The following NEB variants were observed in gnomAD, a reference collection of about 807,000 sequenced individuals.
NEB encodes nemaline myopathy type 2.
Under a neutral mutation model 952.2 loss-of-function variants are expected in NEB, and 512 were observed. The ratio of observed to expected loss-of-function variants is 0.54; its 90% confidence interval spans 0.50 to 0.58. The LOEUF (loss-of-function observed/expected upper bound fraction) is 0.58. NEB is among the 20% of genes least tolerant of loss of function. The pLI, the probability that NEB is intolerant of heterozygous loss-of-function variation, is 0.00. For missense variants in NEB, 8,428 were observed against 9,231.1 expected (o/e 0.91, Z 3.56); for synonymous variants, 2,900 against 3,149.8 (o/e 0.92, Z 2.66).
intron 54 of NEB, among the ~76,000 whole-genome samples, chr2:151,648,201 AT>A (rs1375354547): frequency 7.2e-5 from 11 of 152,324 alleles, no homozygotes; most frequent in Admixed American, 2.6e-4. Context: ...AATTATTTCA[AT>A]AAAAAATTTT....
At chr2:151,577,598 T>C (rs549163678) in intron 105 of NEB, among the ~76,000 whole-genome samples, 8 of 152,228 alleles carry the variant, frequency 5.3e-5, no homozygotes, top group Admixed American at 1.3e-4. Flanking sequence ...TGTTTGCCTT[T>C]GAGACGGAGT....
At chr2:151,529,081 T>G in intron 146 of NEB, 129 bp downstream of exon 146, 1 of 702,640 alleles carries the variant, frequency 1.4e-6, no homozygotes, top group East Asian at 2.6e-5. Flanking sequence ...TTCATGCTCC[T>G]GGGGCCTGAC....
At chr2:151,553,691 G>T in intron 126 of NEB, 137 bp downstream of exon 126, 1 of 984,294 alleles carries the variant, frequency 1.0e-6, no homozygotes, top group Non-Finnish European at 1.5e-6. Context: ...CAGCTCTGAA[G>T]TCAAGTTGGA....
intron 173 of NEB, 121 bp from the exon 174 acceptor site, chr2:151,494,374 G>A (rs2058695189): frequency 1.5e-6 from 1 of 687,384 alleles, no homozygotes; most frequent in East Asian, 2.7e-5. Context: ...GGGCAATTAG[G>A]TTAGATGGAA....
At chr2:151,610,698 T>C (rs1209590280) in intron 79 of NEB, 64 bp downstream of exon 79, 1 of 1,578,752 alleles carries the variant, frequency 6.3e-7, no homozygotes, top group East Asian at 2.2e-5. Context: ...GAAAGGAAAT[T>C]GTTACGGTGG....
chr2:151,696,305 A>C (rs1273237811), intron 17 of NEB, among the ~76,000 whole-genome samples: 1 of 152,192 alleles, frequency 6.6e-6, no homozygotes, highest in Non-Finnish European at 1.5e-5. Flanking sequence ...AAATTATAAA[A>C]TGGAAATATC....
chr2:151,650,090 G>C, intron 54 of NEB, 86 bp downstream of exon 54: 1 of 1,259,302 alleles, frequency 7.9e-7, no homozygotes. Context: ...ATGCTTTGTG[G>C]TTCTACTCAT....
chr2:151,689,973 G>GT lies in NEB; in HGVS notation c.2310+753_2310+754insA, dbSNP rs564853737. The GT allele has an allele frequency of 1.2e-3, 183 of 152,282 alleles. 1 individual carries two copies. Among genetic ancestry groups the GT allele is most frequent in the African/African-American group, 3.9e-3 (162 of 41,548 alleles). 9.4% of individuals were successfully genotyped at this position (152,282 alleles called of 1,614,324 possible). ...TCTTTCACTTACCTATCTTGAGAAGGATGTACTACTCTCTAGGACTTAGCT... is the reference window on the plus strand; with the variant it reads ...TCTTTCACTTACCTATCTTGAGAAGGTATGTACTACTCTCTAGGACTTAGCT... On this transcript the variant is annotated intron_variant, in intron 24 of 181. Coordinates refer to ENST00000397345, the MANE Select transcript of NEB (RefSeq NM_001164508.2).
rs267598920 is a variant in NEB at position 151,562,153 on chromosome 2, G to A, written c.18953C>T (p.Pro6318Leu). Residue 6318 changes from proline (P) to leucine (L), a missense_variant, in exon 121 of 182, where the codon CCC (proline) becomes CTC (leucine). By Grantham distance (98) the Pro-to-Leu change is moderately conservative. This residue lies in a region of NEB where 3,374 missense variants were observed against 3,651.5 expected (regional missense o/e 0.92). Transcript: ENST00000397345. ...KGIGCYVWDTPQILHAKKSYD... is the reference protein window; with the variant it reads ...KGIGCYVWDTLQILHAKKSYD... Reference sequence around the variant, plus strand: ...TGATTTCTTGGCATGGAGGATTTGGGGTGTATCCCAAACGTAGCAACCAAT... The same window carrying A: ...TGATTTCTTGGCATGGAGGATTTGGAGTGTATCCCAAACGTAGCAACCAAT... The A allele has an allele frequency of 6.2e-7, 1 of 1,613,530 alleles. No individual in the cohort carries two copies.
At chr2:151,519,574 T>A in intron 154 of NEB, 84 bp downstream of exon 154, 2 of 983,168 alleles carry the variant, frequency 2.0e-6, no homozygotes, top group Non-Finnish European at 3.2e-6. Flanking sequence ...GTGAGTGTTA[T>A]AAATGCTACT....
chr2:151,551,430 G>T (rs1210461767), intron 129 of NEB, among the ~76,000 whole-genome samples: 2 of 152,176 alleles, frequency 1.3e-5, no homozygotes, highest in African/African-American at 2.4e-5. Flanking sequence ...TTTTATTGAG[G>T]TTAAAGGCCT....
rs2098275947 is a variant in NEB, at chr2:151,618,413, T to A, written c.10938A>T (p.Glu3646Asp). The A allele has an allele frequency of 6.2e-7, 1 of 1,613,814 alleles. No homozygotes were observed. Among genetic ancestry groups the A allele is most frequent in the African/African-American group, 1.3e-5 (1 of 74,912 alleles). ...GIGWVPIDSL[E>D]VVRAKRAGEL... Reference sequence around the variant, plus strand: ...CTCCAGCTCTCTTGGCCCTAACAACTTCCAAGGAATCAATCGGAACCCAGC... The same window carrying A: ...CTCCAGCTCTCTTGGCCCTAACAACATCCAAGGAATCAATCGGAACCCAGC... The change falls in exon 74 of 182, where the codon GAA (glutamate) becomes GAT (aspartate). Residue 3646 changes from glutamate (E) to aspartate (D), a missense_variant. Around this residue, in one of 11 missense-constraint regions of NEB, gnomAD observed 1,772 missense variants for 1,960.3 expected, o/e 0.90. Coordinates refer to ENST00000397345, the MANE Select transcript of NEB (RefSeq NM_001164508.2).
chr2:151,724,768 A>C, intron 7 of NEB, 89 bp downstream of exon 7: 1 of 1,042,834 alleles, frequency 9.6e-7, no homozygotes, highest in Non-Finnish European at 1.4e-6. Flanking sequence ...GGTGGGCAGG[A>C]TCAGGCCTGT....
chr2:151,565,705 G>C lies in NEB; in HGVS notation c.18261+11C>G, dbSNP rs755562712. On this transcript the variant is annotated intron_variant, in intron 115 of 181. Coordinates refer to ENST00000397345, the MANE Select transcript of NEB (RefSeq NM_001164508.2). ...CAGGCATAGGTTAGAAGGAGAATAG[G>C]CTTTGCGTACCTGACTCATCATTTC... 5 of 1,606,964 alleles carry C rather than the reference G, an allele frequency of 3.1e-6. No individual in the cohort carries two copies. In the South Asian group the frequency reaches 5.5e-5, roughly 18 times the overall value.
In NEB at chr2:151,493,442, A is replaced by G; in HGVS notation, c.24676T>C (p.Leu8226=). The change falls in exon 176 of 182, where the codon TTG becomes CTG. Residue 8226 remains leucine, a synonymous_variant. Coordinates refer to ENST00000397345, the MANE Select transcript of NEB (RefSeq NM_001164508.2). ...KRNQENFSSV[L]YKENMRKATP... The stretch of plus-strand genomic sequence containing the variant: ...GCTTTTCTCATGTTCTCTTTGTACA[A>G]TACCTAGGGAAGCCAAAAGAGCATC... 1 of 1,576,740 alleles carries G rather than the reference A, an allele frequency of 6.3e-7. No homozygotes were observed. Among genetic ancestry groups the G allele is most frequent in the African/African-American group, 1.4e-5 (1 of 73,158 alleles).
chr2:151,576,509 T>C (rs1201007224), intron 105 of NEB, among the ~76,000 whole-genome samples, 155 bp from the exon 106 acceptor site: 1 of 33,282 alleles, frequency 3.0e-5, no homozygotes, highest in Non-Finnish European at 5.2e-5. Context: ...TATATATATA[T>C]ATATATATTT....
Position 151,710,652 on chromosome 2 carries a change from G to A in NEB, c.823-114C>T, listed in dbSNP as rs919239005. The A allele has an allele frequency of 4.9e-6, 3 of 617,810 alleles. No homozygotes were observed. The African/African-American group carries it at 5.6e-5, about 11-fold the overall frequency. The allele number at this position is 617,810 out of a possible 1,614,324, so 38.3% of individuals were successfully genotyped here. A position where few individuals can be genotyped will look rare whatever the true frequency, so the allele number is the denominator to read the frequency against. Reference sequence around the variant, plus strand: ...AAATATCTTCAGCAAGCCATTCTTAGGTCCTTAATAAATGCCTTTAAAAAA... The same window carrying A: ...AAATATCTTCAGCAAGCCATTCTTAAGTCCTTAATAAATGCCTTTAAAAAA... On this transcript the variant is annotated intron_variant, in intron 10 of 181. Coordinates refer to ENST00000397345, the MANE Select transcript of NEB (RefSeq NM_001164508.2).
At chr2:151,690,971 G>A (rs564744440) in intron 23 of NEB, 146 bp from the exon 24 acceptor site, 2 of 597,402 alleles carry the variant, frequency 3.3e-6, no homozygotes, top group African/African-American at 3.8e-5. Flanking sequence ...TTCTCTGTCT[G>A]TCTCTCTCTC....
chr2:151,535,862 T>TTATCACAATTA, intron 141 of NEB, 67 bp from the exon 142 acceptor site: 1 of 810,634 alleles, frequency 1.2e-6, no homozygotes, highest in Non-Finnish European at 2.0e-6. Context: ...GACATGCTGT[T>TTATCACAATTA]TATCATATGA....
Sources: gnomAD v4.1 joint callset for allele counts (sites outside exome capture counted in the v4.1 genomes callset) on GRCh38, gnomAD v4.1.1 for gene constraint, gnomAD v4.1.1 regional missense constraint, MANE v1.5 for transcripts, NCBI Gene and HGNC (gene_info 2026-07-23, HGNC 2026-07-21) for gene names.